The following SLCO6A1 variants were observed in gnomAD, a reference collection of about 807,000 sequenced individuals.
The protein encoded by SLCO6A1 is cancer/testis antigen 48.
A neutral mutation model predicts 72.7 loss-of-function variants in SLCO6A1; 65 were observed. The ratio of observed to expected loss-of-function variants is 0.89; its 90% confidence interval spans 0.73 to 1.10. The LOEUF is 1.10. SLCO6A1 is among the 50% of genes least tolerant of loss of function. The pLI, the probability that SLCO6A1 is intolerant of heterozygous loss-of-function variation, is 0.00. For synonymous variants in SLCO6A1, 314 were observed against 298.2 expected (o/e 1.05, Z -0.55); for missense variants, 874 against 872.6 (o/e 1.00, Z -0.02).
chr5:102,413,198 GC>G, intron 8 of SLCO6A1, 55 bp from the exon 9 acceptor site: 1 of 1,467,008 alleles, frequency 6.8e-7, no homozygotes, highest in Non-Finnish European at 9.1e-7. Context: ...AATTATTGAT[GC>G]AAATGTCAAG....
At chr5:102,442,277 CAATT>C (rs1467375494) in intron 6 of SLCO6A1, among the ~76,000 whole-genome samples, 2 of 152,052 alleles carry the variant, frequency 1.3e-5, no homozygotes, top group Non-Finnish European at 2.9e-5. Flanking sequence ...CTCTTAGCCT[CAATT>C]AAGCCACAAG....
At chr5:102,483,937 AAG>A (rs554628811) in intron 1 of SLCO6A1, among the ~76,000 whole-genome samples, 73 of 152,306 alleles carry the variant, frequency 4.8e-4, no homozygotes, top group Non-Finnish European at 6.9e-4. Flanking sequence ...GCCTGTGAGT[AAG>A]AGTTAGTATT....
At chr5:102,476,077 G>A (rs1460841724) in intron 3 of SLCO6A1, among the ~76,000 whole-genome samples, 1 of 152,028 alleles carries the variant, frequency 6.6e-6, no homozygotes, top group Non-Finnish European at 1.5e-5. Context: ...AGGTGGGTGA[G>A]GGATAAAAGA....
chr5:102,469,183 T>C (rs901107911), intron 4 of SLCO6A1, among the ~76,000 whole-genome samples: 2 of 152,148 alleles, frequency 1.3e-5, no homozygotes, highest in African/African-American at 4.8e-5. Context: ...AAGTAGTTTT[T>C]TCCAATTCTG....
chr5:102,430,726 T>A (rs1580413862), intron 7 of SLCO6A1, among the ~76,000 whole-genome samples: 1 of 152,180 alleles, frequency 6.6e-6, no homozygotes, highest in African/African-American at 2.4e-5. Flanking sequence ...TTTGCATGTA[T>A]GTCCATCAAG....
At chr5:102,413,382 CAA>C (rs140092082) in intron 8 of SLCO6A1, among the ~76,000 whole-genome samples, 3,551 of 151,700 alleles carry the variant, frequency 0.023, 137 homozygotes, top group African/African-American at 0.081. Flanking sequence ...ACATAATAAT[CAA>C]AAGTTTATTT....
intron 1 of SLCO6A1, among the ~76,000 whole-genome samples, chr5:102,482,677 A>T (rs76531853): frequency 0.058 from 8,885 of 152,262 alleles, 856 homozygotes; most frequent in African/African-American, 0.2. Context: ...ACCTTCTGCT[A>T]TACTTCTTTA....
chr5:102,439,976 A>G (rs1388159069), intron 6 of SLCO6A1, among the ~76,000 whole-genome samples: 1 of 152,234 alleles, frequency 6.6e-6, no homozygotes, highest in African/African-American at 2.4e-5. Context: ...TAATTGTCAC[A>G]ATGAAACAAA....
chr5:102,481,550 T>C (rs1752194874), intron 1 of SLCO6A1, among the ~76,000 whole-genome samples: 1 of 152,184 alleles, frequency 6.6e-6, no homozygotes, highest in Non-Finnish European at 1.5e-5. Context: ...AGACTTCCCA[T>C]TCCCCTTGCA....
At chr5:102,382,593 AT>A (rs2112489630) in intron 12 of SLCO6A1, among the ~76,000 whole-genome samples, 1 of 151,590 alleles carries the variant, frequency 6.6e-6, no homozygotes, top group Non-Finnish European at 1.5e-5. Context: ...CATGTTAACA[AT>A]TTTAATTCTC....
intron 1 of SLCO6A1, 33 bp from the exon 2 acceptor site, chr5:102,480,467 A>T (rs753856669): frequency 5.1e-6 from 8 of 1,580,348 alleles, no homozygotes; most frequent in Non-Finnish European, 2.6e-6. Context: ...GAAAACAACG[A>T]TATGCATTTT....
intron 3 of SLCO6A1, 62 bp downstream of exon 3, chr5:102,477,614 G>A: frequency 3.6e-6 from 5 of 1,400,498 alleles, no homozygotes; most frequent in South Asian, 1.3e-5. Flanking sequence ...GCTTAGATAT[G>A]CATACCAAAA....
At chr5:102,383,285 C>T (rs546551480) in intron 12 of SLCO6A1, among the ~76,000 whole-genome samples, 10 of 151,266 alleles carry the variant, frequency 6.6e-5, no homozygotes, top group African/African-American at 2.4e-4. Flanking sequence ...TTTTCCTGAT[C>T]ATAAAGAGAA....
chr5:102,387,384 C>T (rs533687890), intron 12 of SLCO6A1, among the ~76,000 whole-genome samples: 1 of 152,144 alleles, frequency 6.6e-6, no homozygotes, highest in Non-Finnish European at 1.5e-5. Context: ...TTCTAGTTCA[C>T]CAACTTTGTC....
intron 9 of SLCO6A1, among the ~76,000 whole-genome samples, chr5:102,403,966 T>A (rs994337063): frequency 6.6e-6 from 1 of 152,190 alleles, no homozygotes; most frequent in African/African-American, 2.4e-5. Flanking sequence ...ATTTTTCTTA[T>A]TTTTTGACTA....
chr5:102,476,948 T>C (rs984081049), intron 3 of SLCO6A1, among the ~76,000 whole-genome samples: 5 of 152,050 alleles, frequency 3.3e-5, no homozygotes, highest in Non-Finnish European at 5.9e-5. Context: ...TATAAGACAG[T>C]ACAGGTTATT....
At chr5:102,386,098 C>T (rs1308082745) in intron 12 of SLCO6A1, among the ~76,000 whole-genome samples, 1 of 152,158 alleles carries the variant, frequency 6.6e-6, no homozygotes, top group South Asian at 2.1e-4. Context: ...AAGAAGTAGA[C>T]ATTTATTCCA....
Position 102,458,673 on chromosome 5 carries a change from G to A in SLCO6A1, c.1022-182C>T, listed in dbSNP as rs76678669. Reference sequence around the variant, plus strand: ...CAATCTTCTAAAACAGTGTTGTCCTGAAGAACATTCTGTGATAATGAAAAC... The same window carrying A: ...CAATCTTCTAAAACAGTGTTGTCCTAAAGAACATTCTGTGATAATGAAAAC... On this transcript the variant is annotated intron_variant, in intron 5 of 13. Coordinates refer to ENST00000506729, the MANE Select transcript of SLCO6A1 (RefSeq NM_173488.5). Among the ~76,000 whole-genome samples, 114 of 152,234 alleles carry A rather than the reference G, an allele frequency of 7.5e-4. 1 individual carries two copies. The highest frequency in any genetic ancestry group is 2.6e-3 in the African/African-American group (107 of 41,566).
chr5:102,393,816 A>T (rs992327876), intron 10 of SLCO6A1, among the ~76,000 whole-genome samples: 2 of 152,190 alleles, frequency 1.3e-5, no homozygotes, highest in Admixed American at 6.6e-5. Flanking sequence ...CAGAAGGGAA[A>T]ATGTTGAAGA....
Sources: gnomAD v4.1 joint callset for allele counts (sites outside exome capture counted in the v4.1 genomes callset) on GRCh38, gnomAD v4.1.1 for gene constraint, MANE v1.5 for transcripts, NCBI Gene and HGNC (gene_info 2026-07-23, HGNC 2026-07-21) for gene names.